Variants in GNA14 observed in about 807,000 individuals in gnomAD.
The protein encoded by GNA14 is guanine nucleotide-binding protein subunit alpha-14.
Under a neutral mutation model 42.0 loss-of-function variants are expected in GNA14, and 50 were observed. The observed-to-expected ratio is 1.19, with a 90% CI of 0.95 to 1.51. GNA14 has a LOEUF of 1.51. Ranked by LOEUF, GNA14 falls within the 40% of genes most tolerant of loss-of-function variation. The pLI, the probability that GNA14 is intolerant of heterozygous loss-of-function variation, is 0.00. For missense variants in GNA14, 473 were observed against 446.2 expected (o/e 1.06, Z -0.54); for synonymous variants, 173 against 163.1 (o/e 1.06, Z -0.46).
At chr9:77,591,030 G>A (rs1823383013) in intron 1 of GNA14, among the ~76,000 whole-genome samples, 1 of 152,100 alleles carries the variant, frequency 6.6e-6, no homozygotes, top group South Asian at 2.1e-4. Context: ...TGAAAGACTC[G>A]GCAAACTTAA....
intron 1 of GNA14, among the ~76,000 whole-genome samples, chr9:77,550,389 G>C (rs1475022847): frequency 6.6e-6 from 1 of 152,180 alleles, no homozygotes; most frequent in African/African-American, 2.4e-5. Flanking sequence ...TTTAAGAAGT[G>C]AAAGAAACTT....
chr9:77,634,313 G>T (rs1457108182), intron 1 of GNA14, among the ~76,000 whole-genome samples: 2 of 151,544 alleles, frequency 1.3e-5, no homozygotes, highest in Non-Finnish European at 2.9e-5. Context: ...AGCTACTCAG[G>T]AGGCTGAAGT....
intron 2 of GNA14, among the ~76,000 whole-genome samples, chr9:77,438,270 A>AT (rs36094892): frequency 1.4e-3 from 199 of 146,802 alleles, no homozygotes; most frequent in Middle Eastern, 3.6e-3. Context: ...ACCTGTTAAG[A>AT]TTTTTTTTTT....
chr9:77,578,389 T>C (rs886569972), intron 1 of GNA14, among the ~76,000 whole-genome samples: 1 of 152,230 alleles, frequency 6.6e-6, no homozygotes, highest in Non-Finnish European at 1.5e-5. Context: ...CACATAACTC[T>C]AGAAAACTCT....
At chr9:77,519,670 G>C (rs1478081666) in intron 2 of GNA14, among the ~76,000 whole-genome samples, 1 of 152,086 alleles carries the variant, frequency 6.6e-6, no homozygotes, top group Non-Finnish European at 1.5e-5. Flanking sequence ...GGTGAGGGAG[G>C]AGAGATTACT....
intron 1 of GNA14, among the ~76,000 whole-genome samples, chr9:77,626,224 C>T (rs1247690449): frequency 6.6e-6 from 1 of 152,092 alleles, no homozygotes; most frequent in Non-Finnish European, 1.5e-5. Context: ...AATAGAGGAG[C>T]ACCCAGATTC....
intron 2 of GNA14, among the ~76,000 whole-genome samples, chr9:77,445,360 C>T (rs931530089): frequency 6.6e-6 from 1 of 151,944 alleles, no homozygotes; most frequent in African/African-American, 2.4e-5. Flanking sequence ...TAGCCCAACT[C>T]CCTCAACACC....
At chr9:77,428,056 G>C (rs1233451848) in intron 5 of GNA14, among the ~76,000 whole-genome samples, 1 of 151,214 alleles carries the variant, frequency 6.6e-6, no homozygotes, top group Non-Finnish European at 1.5e-5. Context: ...TTCAGTCCAA[G>C]AGATGGCATT....
At chr9:77,579,009 G>T (rs1045293972) in intron 1 of GNA14, among the ~76,000 whole-genome samples, 2 of 152,280 alleles carry the variant, frequency 1.3e-5, no homozygotes, top group African/African-American at 4.8e-5. Flanking sequence ...CAACTGCTGG[G>T]CCACTGCCTC....
intron 2 of GNA14, among the ~76,000 whole-genome samples, chr9:77,499,457 G>A (rs940360550): frequency 4.6e-5 from 7 of 150,948 alleles, no homozygotes; most frequent in Non-Finnish European, 1.0e-4. Flanking sequence ...TCTACATTGT[G>A]TACATCTTAG....
At chr9:77,500,026 CTT>C (rs55823602) in intron 2 of GNA14, among the ~76,000 whole-genome samples, 7 of 143,204 alleles carry the variant, frequency 4.9e-5, no homozygotes, top group Admixed American at 7.0e-5. Context: ...AATTTCTTTT[CTT>C]TTTTTTTTTT....
chr9:77,558,944 AAAAC>A (rs1444004043), intron 1 of GNA14, among the ~76,000 whole-genome samples: 2 of 151,978 alleles, frequency 1.3e-5, no homozygotes, highest in African/African-American at 2.4e-5. Context: ...AAAAAAACAA[AAAAC>A]AAACAAACAA....
chr9:77,436,654 A>G (rs918585131), intron 2 of GNA14, among the ~76,000 whole-genome samples: 3 of 152,128 alleles, frequency 2.0e-5, no homozygotes, highest in Non-Finnish European at 4.4e-5. Flanking sequence ...CAAATAGGTC[A>G]GTTGTGCTGA....
chr9:77,437,002 C>T (rs1053469055), intron 2 of GNA14, among the ~76,000 whole-genome samples: 4 of 152,186 alleles, frequency 2.6e-5, no homozygotes, highest in African/African-American at 7.2e-5. Context: ...GCTCAGGCAA[C>T]GCTTGGCCAA....
At chr9:77,457,714 G>C (rs762171586) in intron 2 of GNA14, among the ~76,000 whole-genome samples, 3 of 152,042 alleles carry the variant, frequency 2.0e-5, no homozygotes, top group Non-Finnish European at 4.4e-5. Context: ...ACACCCTCAC[G>C]CCGCCCAGCC....
chr9:77,523,239 G>A (rs1019310393), intron 2 of GNA14, among the ~76,000 whole-genome samples: 11 of 152,230 alleles, frequency 7.2e-5, no homozygotes, highest in Middle Eastern at 6.8e-3. Context: ...CGTTTAATTG[G>A]CTCATGGTTC....
At chr9:77,594,659 G>T (rs1823436331) in intron 1 of GNA14, among the ~76,000 whole-genome samples, 1 of 152,176 alleles carries the variant, frequency 6.6e-6, no homozygotes, top group African/African-American at 2.4e-5. Context: ...TTTGGCTGTT[G>T]TCTCTAAAAG....
intron 1 of GNA14, among the ~76,000 whole-genome samples, chr9:77,582,753 G>A (rs1336678684): frequency 6.6e-6 from 1 of 152,148 alleles, no homozygotes; most frequent in East Asian, 1.9e-4. Flanking sequence ...GATACATTGT[G>A]CAACACCTCC....
rs1404107784 is a variant in GNA14, at chr9:77,641,225, T to C, written c.124+6445A>G. ...AGAATGTCAAATGCCAACTGGTAAA[T>C]GTGGAGAGTGCTGGAGTTGGAAAAT... On this transcript the variant is annotated intron_variant, in intron 1 of 6. Coordinates refer to ENST00000341700, the MANE Select transcript of GNA14 (RefSeq NM_004297.4). 4.7e-5 allele frequency among the ~76,000 whole-genome samples: 7 copies of C among 150,470 alleles called. No homozygotes were observed. In the South Asian group the frequency reaches 1.1e-3, roughly 23 times the overall value.
Sources: gnomAD v4.1 joint callset for allele counts (sites outside exome capture counted in the v4.1 genomes callset) on GRCh38, gnomAD v4.1.1 for gene constraint, MANE v1.5 for transcripts, NCBI Gene and HGNC (gene_info 2026-07-23, HGNC 2026-07-21) for gene names.